Variants in HORMAD2 observed in about 807,000 individuals in gnomAD.
The protein encoded by HORMAD2 is HORMA domain containing 2, also known as HORMA domain-containing protein 2.
A neutral mutation model predicts 38.8 loss-of-function variants in HORMAD2; 45 were observed. The observed-to-expected ratio is 1.16, with a 90% confidence interval of 0.91 to 1.49. The LOEUF (loss-of-function observed/expected upper bound fraction) is 1.49. Among genes scored for constraint, HORMAD2 ranks in the 40% most tolerant of loss-of-function variants. The probability of loss-of-function intolerance (pLI) is 0.00; values close to 1 mark genes in which losing one functional copy is unlikely to be tolerated. For missense variants in HORMAD2, 338 were observed against 367.0 expected, an observed-to-expected ratio of 0.92 and a Z score of 0.65; for synonymous variants, 126 against 122.8, an observed-to-expected ratio of 1.03 and a Z score of -0.17.
At chr22:30,148,169 C>T (rs1010579327) in intron 10 of HORMAD2, among the ~76,000 whole-genome samples, 14 of 151,726 alleles carry the variant, frequency 9.2e-5, no homozygotes, top group Non-Finnish European at 1.8e-4. Flanking sequence ...TAAAAAAGAA[C>T]AAACAAATGA....
intron 4 of HORMAD2, 32 bp downstream of exon 4, chr22:30,103,532 A>C: frequency 8.6e-7 from 1 of 1,161,090 alleles, no homozygotes; most frequent in Non-Finnish European, 1.3e-6. Context: ...AAAGTTGAAC[A>C]ACATTATTTT....
intron 2 of HORMAD2, among the ~76,000 whole-genome samples, chr22:30,094,318 T>C (rs1253156436): frequency 6.6e-6 from 1 of 152,220 alleles, no homozygotes; most frequent in Non-Finnish European, 1.5e-5. Context: ...ATTCACTTCC[T>C]AAAGTGTTAG....
At chr22:30,184,275 C>T in the HORMAD2 span, among the ~76,000 whole-genome samples, 3 of 152,290 alleles carry the variant, frequency 2.0e-5, no homozygotes, top group African/African-American at 7.2e-5. Context: ...AATGAAATGA[C>T]TCTCTAGCTG....
At chr22:30,118,588 C>T (rs1423884593) in intron 7 of HORMAD2, among the ~76,000 whole-genome samples, 1 of 152,154 alleles carries the variant, frequency 6.6e-6, no homozygotes, top group Non-Finnish European at 1.5e-5. Flanking sequence ...AAACAGGGAC[C>T]TTTTCTGTCT....
chr22:30,112,667 C>G, intron 7 of HORMAD2, 145 bp downstream of exon 7: 1 of 437,094 alleles, frequency 2.3e-6, no homozygotes. Flanking sequence ...ATATTTTACT[C>G]TAAACTTGAC....
At chr22:30,155,602 C>T (rs1008747677) in intron 10 of HORMAD2, among the ~76,000 whole-genome samples, 1 of 152,010 alleles carries the variant, frequency 6.6e-6, no homozygotes. Context: ...CTTCTAATAG[C>T]CACAATGTGG....
chr22:30,158,192 C>G (rs1227819487), intron 10 of HORMAD2, among the ~76,000 whole-genome samples: 1 of 151,890 alleles, frequency 6.6e-6, no homozygotes, highest in Non-Finnish European at 1.5e-5. Context: ...GTAAATATTT[C>G]CACAAAAGAG....
intron 1 of HORMAD2, among the ~76,000 whole-genome samples, chr22:30,083,446 A>G (rs1370572134): frequency 6.6e-6 from 1 of 152,234 alleles, no homozygotes; most frequent in Non-Finnish European, 1.5e-5. Flanking sequence ...GGGATAACAC[A>G]TAGAAAAAAT....
intron 10 of HORMAD2, among the ~76,000 whole-genome samples, chr22:30,142,178 C>T (rs1162595477): frequency 2.0e-5 from 3 of 152,174 alleles, no homozygotes; most frequent in African/African-American, 7.2e-5. Context: ...ACTTGAAAGG[C>T]TGAGCTGGGA....
chr22:30,106,988 C>T (rs1337864305), intron 5 of HORMAD2, among the ~76,000 whole-genome samples: 1 of 152,154 alleles, frequency 6.6e-6, no homozygotes, highest in Admixed American at 6.5e-5. Context: ...GGTCTAGGGA[C>T]CATAATTTGA....
At chr22:30,200,519 G>T in the HORMAD2 span, among the ~76,000 whole-genome samples, 2 of 151,764 alleles carry the variant, frequency 1.3e-5, no homozygotes, top group African/African-American at 4.8e-5. Flanking sequence ...TTGATTTTGG[G>T]GTGTTTATCT....
intron 10 of HORMAD2, among the ~76,000 whole-genome samples, chr22:30,164,307 A>G (rs1925642037): frequency 6.6e-6 from 1 of 152,196 alleles, no homozygotes; most frequent in South Asian, 2.1e-4. Context: ...CCTTTTGGAT[A>G]TGTACCCAGC....
intron 1 of HORMAD2, among the ~76,000 whole-genome samples, chr22:30,091,491 C>T (rs905654012): frequency 6.6e-6 from 1 of 152,022 alleles, no homozygotes; most frequent in Admixed American, 6.6e-5. Context: ...GTCTTGAACT[C>T]CTGGGCTCAA....
chr22:30,111,838 G>A, intron 6 of HORMAD2, 22 bp downstream of exon 6: 1 of 1,558,276 alleles, frequency 6.4e-7, no homozygotes, highest in Non-Finnish European at 8.7e-7. Context: ...CTCATTTAAA[G>A]ACCAAGCCTC....
chr22:30,099,195 G>A (rs574316350), intron 3 of HORMAD2, among the ~76,000 whole-genome samples: 199 of 152,286 alleles, frequency 1.3e-3, no homozygotes, highest in African/African-American at 4.6e-3. Context: ...CTAGCTAGAC[G>A]CCAGGTGACA....
intron 10 of HORMAD2, among the ~76,000 whole-genome samples, chr22:30,129,994 C>T (rs1014447471): frequency 1.3e-5 from 2 of 152,092 alleles, no homozygotes; most frequent in African/African-American, 4.8e-5. Context: ...AATTTCTTTA[C>T]TCTTGGTAAT....
intron 1 of HORMAD2, among the ~76,000 whole-genome samples, chr22:30,087,850 G>A (rs1434914091): frequency 6.6e-6 from 1 of 152,100 alleles, no homozygotes; most frequent in Non-Finnish European, 1.5e-5. Context: ...AGATGATCCA[G>A]TTATCTCCTA....
rs1358499420 is a variant in HORMAD2 at position 30,177,017 on chromosome 22, G to A, written c.*850G>A. 3 of 152,462 alleles carry A rather than the reference G, an allele frequency of 2.0e-5. No individual in the cohort carries two copies. Among genetic ancestry groups the A allele is most frequent in the Admixed American group, 1.3e-4 (2 of 15,242 alleles). 9.4% of individuals were successfully genotyped at this position (152,462 alleles called of 1,614,324 possible). A position where few individuals can be genotyped will look rare whatever the true frequency, so the allele number is the denominator to read the frequency against. Reference sequence around the variant, plus strand: ...TTAGTAATTTAATTTAAATGGATAGGACCAATAAGTTAAATATTAAGTGTG... The same window carrying A: ...TTAGTAATTTAATTTAAATGGATAGAACCAATAAGTTAAATATTAAGTGTG... On this transcript the variant is annotated 3_prime_UTR_variant, in exon 11 of 11. Coordinates refer to ENST00000336726, the MANE Select transcript of HORMAD2 (RefSeq NM_152510.4).
At chr22:30,082,925 CCT>C (rs1163839342) in intron 1 of HORMAD2, among the ~76,000 whole-genome samples, 1 of 152,024 alleles carries the variant, frequency 6.6e-6, no homozygotes, top group Admixed American at 6.5e-5. Flanking sequence ...AGAAATATTG[CCT>C]CTTTCTCAAG....
Sources: gnomAD v4.1 joint callset for allele counts (sites outside exome capture counted in the v4.1 genomes callset) on GRCh38, gnomAD v4.1.1 for gene constraint, MANE v1.5 for transcripts, NCBI Gene and HGNC (gene_info 2026-07-23, HGNC 2026-07-21) for gene names.